The following DPYSL5 variants were observed in gnomAD, a reference collection of about 807,000 sequenced individuals.
DPYSL5 encodes dihydropyrimidinase-related protein 5.
In DPYSL5, 9 loss-of-function variants were observed where a neutral mutation model predicts 58.4. The observed-to-expected ratio is 0.15, with a 90% CI of 0.09 to 0.27. The LOEUF is 0.27. Ranked by LOEUF, DPYSL5 falls within the 10% of genes least tolerant of loss-of-function variation. The probability of loss-of-function intolerance (pLI) is 1.00; values close to 1 mark genes in which losing one functional copy is unlikely to be tolerated. For missense variants in DPYSL5, 499 were observed against 770.6 expected (o/e 0.65, Z 4.17); for synonymous variants, 293 against 301.9 (o/e 0.97, Z 0.31).
At chr2:26,882,700 A>G (rs1663605350) in intron 1 of DPYSL5, among the ~76,000 whole-genome samples, 1 of 152,114 alleles carries the variant, frequency 6.6e-6, no homozygotes, top group Admixed American at 6.6e-5. Context: ...CAGGAGTTCA[A>G]GACTAGCCTG....
chr2:26,865,878 C>A (rs1245913546), intron 1 of DPYSL5, among the ~76,000 whole-genome samples: 1 of 152,184 alleles, frequency 6.6e-6, no homozygotes, highest in African/African-American at 2.4e-5. Context: ...GCCCTTGCCC[C>A]CCACCAGCAA....
At chr2:26,888,255 T>G (rs957096) in intron 1 of DPYSL5, among the ~76,000 whole-genome samples, 21,836 of 107,798 alleles carry the variant, frequency 0.2, 2,264 homozygotes, top group Admixed American at 0.29. Flanking sequence ...CTTTCTTTCT[T>G]TCTTTCTTTC....
At chr2:26,928,714 C>T (rs77199048) in intron 5 of DPYSL5, among the ~76,000 whole-genome samples, 80 of 44,462 alleles carry the variant, frequency 1.8e-3, no homozygotes, top group Non-Finnish European at 2.5e-3. Context: ...TACACACACA[C>T]ACATACATAT....
chr2:26,882,818 TG>T (rs1663607791), intron 1 of DPYSL5, among the ~76,000 whole-genome samples: 1 of 147,298 alleles, frequency 6.8e-6, no homozygotes, highest in South Asian at 2.1e-4. Context: ...GAGGCTGAGG[TG>T]GGAGAATCAC....
At position 26,942,199 on chromosome 2, in the gene DPYSL5, A is replaced by C. The variant is rs754968430; in HGVS notation, c.1232+107A>C. The C allele has an allele frequency of 1.4e-5, 22 of 1,519,686 alleles. No individual in the cohort carries two copies. The highest frequency in any genetic ancestry group is 1.9e-5 in the Non-Finnish European group (21 of 1,124,550). 94.1% of individuals were successfully genotyped at this position (1,519,686 alleles called of 1,614,324 possible). ...TAATTTTGCACTATTTCTAGCACAA[A>C]ATATGGCCCTGGCCTACCGTTGGCC... On this transcript the variant is annotated intron_variant, in intron 10 of 12. Coordinates refer to ENST00000288699, the MANE Select transcript of DPYSL5 (RefSeq NM_020134.4). The surrounding 1 kb of genome is among the most constrained non-coding windows in gnomAD (Gnocchi z 5.9).
chr2:26,861,727 A>G (rs895180060), intron 1 of DPYSL5, among the ~76,000 whole-genome samples: 1 of 152,198 alleles, frequency 6.6e-6, no homozygotes, highest in Non-Finnish European at 1.5e-5. Flanking sequence ...ACGTGAAGAC[A>G]GATTCATGCC....
At position 26,944,787 on chromosome 2, in the gene DPYSL5, C is replaced by T. The variant is rs1289805111; in HGVS notation, c.1572C>T (p.Gly524=). ...TPTRPVTRHG[G]MRDLHESSFS... is the part of the protein sequence containing the mutation. ...CCCGGCCCGTCACCCGGCATGGGGG[C>T]ATGAGGGACCTTCACGAATCCAGCT... is the stretch of plus-strand genomic sequence containing the variant. The change falls in exon 12 of 13, where the codon GGC becomes GGT. Residue 524 remains glycine (G), a synonymous_variant. Coordinates refer to ENST00000288699, the MANE Select transcript of DPYSL5 (RefSeq NM_020134.4). This position sits in a 1 kb window ranked among gnomAD's most constrained non-coding sequence, Gnocchi z 4.4. 6.2e-7 allele frequency: 1 copy of T among 1,614,060 alleles called. No individual in the cohort carries two copies. The highest frequency in any genetic ancestry group is 1.7e-5 in the Admixed American group (1 of 60,000).
In DPYSL5 at chr2:26,933,219, G is replaced by T. The variant is rs757628029; in HGVS notation, c.715-39G>T. ...TATTCTGATGCTTGTGAAGTTTATG[G>T]GTCAACCCTCCCTACTTCCCACTGT... On this transcript the variant is annotated intron_variant, in intron 6 of 12. Transcript: ENST00000288699. The surrounding 1 kb of genome is among the most constrained non-coding windows in gnomAD (Gnocchi z 4.2). 47 of 1,596,002 alleles carry T rather than the reference G, an allele frequency of 2.9e-5. No homozygotes were observed. Among genetic ancestry groups the T allele is most frequent in the Non-Finnish European group, 2.5e-5 (29 of 1,163,740 alleles).
intron 1 of DPYSL5, among the ~76,000 whole-genome samples, chr2:26,850,011 G>C (rs1196399067): frequency 1.3e-5 from 2 of 152,230 alleles, no homozygotes; most frequent in African/African-American, 4.8e-5. Flanking sequence ...CCTCGGTGCA[G>C]CGCGGGTTCC....
Position 26,898,671 on chromosome 2 carries a change from G to C in DPYSL5, c.172G>C (p.Val58Leu), listed in dbSNP as rs962957974. ...AKVIDATGKL[V>L]IPGGIDTSTH... ...GGTGATTGATGCCACAGGAAAACTG[G>C]TGATCCCTGGTGGCATCGACACCAG... Residue 58 changes from valine to leucine, a missense_variant, in exon 2 of 13, where the codon GTG becomes CTG. This residue lies in a region of DPYSL5 where 404 missense variants were observed against 647.6 expected (regional missense o/e 0.62). Transcript: ENST00000288699. The surrounding 1 kb of genome is among the most constrained non-coding windows in gnomAD (Gnocchi z 6.1). 3.1e-6 allele frequency: 5 copies of C among 1,614,154 alleles called. No individual in the cohort carries two copies. Among genetic ancestry groups the C allele is most frequent in the Non-Finnish European group, 3.4e-6 (4 of 1,180,014 alleles).
intron 1 of DPYSL5, among the ~76,000 whole-genome samples, chr2:26,866,266 G>C (rs1666136148): frequency 6.6e-6 from 1 of 152,184 alleles, no homozygotes; most frequent in Admixed American, 6.5e-5. Flanking sequence ...AAAACATCTA[G>C]TCCTGTGCAT....
In DPYSL5 at chr2:26,933,118, T is replaced by G. The variant is rs1665077264; in HGVS notation, c.715-140T>G. The G allele has an allele frequency of 1.3e-6, 1 of 750,404 alleles. No homozygotes were observed. The highest frequency in any genetic ancestry group is 2.4e-6 in the Non-Finnish European group (1 of 419,692). 46.5% of individuals were successfully genotyped at this position (750,404 alleles called of 1,614,324 possible). ...GACTGCCAGCCCTGCATTCTCCGCT[T>G]AAGGACTGTCACCTTGAGGGTGGGG... On this transcript the variant is annotated intron_variant, in intron 6 of 12. Coordinates refer to ENST00000288699, the MANE Select transcript of DPYSL5 (RefSeq NM_020134.4). This position sits in a 1 kb window ranked among gnomAD's most constrained non-coding sequence, Gnocchi z 4.2.
chr2:26,930,070 C>T (rs1035701915), intron 5 of DPYSL5, among the ~76,000 whole-genome samples: 1 of 152,176 alleles, frequency 6.6e-6, no homozygotes, highest in Non-Finnish European at 1.5e-5. Flanking sequence ...CAAGTTGGCC[C>T]ACGAGTGGGT....
At chr2:26,895,761 CT>C (rs1189938894) in intron 1 of DPYSL5, among the ~76,000 whole-genome samples, 2 of 146,648 alleles carry the variant, frequency 1.4e-5, no homozygotes, top group Admixed American at 6.8e-5. Context: ...CCATTCTGTT[CT>C]CTATTTCTTT....
At chr2:26,862,274 C>G (rs1211647896) in intron 1 of DPYSL5, among the ~76,000 whole-genome samples, 1 of 152,208 alleles carries the variant, frequency 6.6e-6, no homozygotes, top group Non-Finnish European at 1.5e-5. Context: ...TGGCACTTGG[C>G]GCAAGGCCCC....
At chr2:26,903,371 C>T (rs994639993) in intron 2 of DPYSL5, among the ~76,000 whole-genome samples, 1 of 152,184 alleles carries the variant, frequency 6.6e-6, no homozygotes, top group Non-Finnish European at 1.5e-5. Context: ...TTTTGCTTTG[C>T]ACTGTAAAAT....
At chr2:26,871,967 A>T (rs530442870) in intron 1 of DPYSL5, among the ~76,000 whole-genome samples, 91 of 152,338 alleles carry the variant, frequency 6.0e-4, no homozygotes, top group African/African-American at 2.0e-3. Context: ...TTCCTTTGCT[A>T]AAAAGACAGA....
At chr2:26,869,068 G>A (rs541788295) in intron 1 of DPYSL5, among the ~76,000 whole-genome samples, 11 of 152,210 alleles carry the variant, frequency 7.2e-5, no homozygotes, top group South Asian at 2.1e-4. Flanking sequence ...GGGCTCAAGC[G>A]ATCCTCCTAC....
intron 6 of DPYSL5, among the ~76,000 whole-genome samples, chr2:26,932,856 G>C (rs140192271): frequency 6.6e-6 from 1 of 152,270 alleles, no homozygotes; most frequent in Non-Finnish European, 1.5e-5. Flanking sequence ...AGCAGGCATC[G>C]TAATTTTAGA....
Sources: gnomAD v4.1 joint callset for allele counts (sites outside exome capture counted in the v4.1 genomes callset) on GRCh38, gnomAD v4.1.1 for gene constraint, gnomAD v4.1.1 regional missense constraint, Gnocchi (gnomAD v3.1) non-coding constraint, MANE v1.5 for transcripts, NCBI Gene and HGNC (gene_info 2026-07-23, HGNC 2026-07-21) for gene names.